Variants in DNAAF11 observed in about 807,000 individuals in gnomAD.
DNAAF11 encodes the protein leucine rich repeat containing 6.
A neutral mutation model predicts 60.8 loss-of-function variants in DNAAF11; 45 were observed. The observed-to-expected ratio is 0.74, with a 90% confidence interval of 0.58 to 0.95. The LOEUF is 0.95. DNAAF11 is among the 40% of genes least tolerant of loss of function. The probability of loss-of-function intolerance (pLI) is 0.00; values close to 1 mark genes in which losing one functional copy is unlikely to be tolerated. For synonymous variants in DNAAF11, 191 were observed against 183.5 expected, an observed-to-expected ratio of 1.04 and a Z score of -0.33; for missense variants, 546 against 546.2, an observed-to-expected ratio of 1.00 and a Z score of 0.00.
chr8:132,604,789 C>T (rs998730580), intron 10 of DNAAF11, among the ~76,000 whole-genome samples: 3 of 152,046 alleles, frequency 2.0e-5, no homozygotes, highest in Admixed American at 2.0e-4. Flanking sequence ...TAAAATCATA[C>T]ATATAATATC....
At chr8:132,593,332 C>CATATATATATATATATATATATAT (rs60462067) in intron 10 of DNAAF11, among the ~76,000 whole-genome samples, 4 of 108,702 alleles carry the variant, frequency 3.7e-5, no homozygotes, top group East Asian at 6.1e-4. Flanking sequence ...TATATACATA[C>CATATATATATATATATATATATAT]ATATATATAT....
chr8:132,648,415 C>A (rs1822625453), intron 3 of DNAAF11, among the ~76,000 whole-genome samples: 2 of 152,128 alleles, frequency 1.3e-5, no homozygotes, highest in Admixed American at 1.3e-4. Context: ...ACTGAATGGG[C>A]AAAAACTGGA....
At chr8:132,644,377 C>T (rs1036366968) in intron 3 of DNAAF11, among the ~76,000 whole-genome samples, 19 of 152,268 alleles carry the variant, frequency 1.2e-4, no homozygotes, top group Middle Eastern at 3.4e-3. Flanking sequence ...GGTTTCAAGA[C>T]GGCCAAATAG....
the DNAAF11 span, among the ~76,000 whole-genome samples, chr8:132,702,728 A>G: frequency 6.6e-6 from 1 of 152,268 alleles, no homozygotes; most frequent in African/African-American, 2.4e-5. Flanking sequence ...TCTCATTTTA[A>G]AGACTGGGAA....
chr8:132,572,955 A>G (rs1814364075), intron 11 of DNAAF11, among the ~76,000 whole-genome samples: 1 of 152,180 alleles, frequency 6.6e-6, no homozygotes, highest in Non-Finnish European at 1.5e-5. Context: ...TCAGGTGCAT[A>G]GTAAAGTGTA....
At chr8:132,600,421 T>C (rs1186913163) in intron 10 of DNAAF11, among the ~76,000 whole-genome samples, 1 of 152,132 alleles carries the variant, frequency 6.6e-6, no homozygotes, top group Non-Finnish European at 1.5e-5. Flanking sequence ...GGAAAAAAAC[T>C]ACTTTAAAGT....
chr8:132,693,727 G>T, the DNAAF11 span, among the ~76,000 whole-genome samples: 9 of 152,228 alleles, frequency 5.9e-5, no homozygotes, highest in South Asian at 8.3e-4. Context: ...AGGAGAAGGT[G>T]ACATTTGAGA....
intron 3 of DNAAF11, among the ~76,000 whole-genome samples, chr8:132,638,389 G>A (rs1171840429): frequency 1.3e-5 from 2 of 152,068 alleles, no homozygotes; most frequent in South Asian, 4.1e-4. Context: ...TAATTTTTCT[G>A]ATTTGGTCAC....
chr8:132,571,046 C>T lies in DNAAF11; in HGVS notation c.*1260G>A, dbSNP rs7841268. ...TTTGTGCCCAATTGCATTCCTATAACCAGTCCCTCATTCTCATCATATTTT... is the reference window on the plus strand; with the variant it reads ...TTTGTGCCCAATTGCATTCCTATAATCAGTCCCTCATTCTCATCATATTTT... On this transcript the variant is annotated 3_prime_UTR_variant, in exon 12 of 12. Transcript: ENST00000620350. 0.15 allele frequency among the ~76,000 whole-genome samples: 22,922 copies of T among 152,148 alleles called. 2,572 individuals are homozygous for T. Among genetic ancestry groups the T allele is most frequent in the African/African-American group, 0.32 (13,119 of 41,454 alleles).
At chr8:132,591,718 C>T (rs1017093289) in intron 10 of DNAAF11, among the ~76,000 whole-genome samples, 4 of 151,888 alleles carry the variant, frequency 2.6e-5, no homozygotes, top group East Asian at 1.9e-4. Context: ...CTGTTGAGCA[C>T]GTGGTAAGCC....
the DNAAF11 span, among the ~76,000 whole-genome samples, chr8:132,691,632 T>G: frequency 7.9e-5 from 12 of 152,272 alleles, no homozygotes; most frequent in East Asian, 2.3e-3. Flanking sequence ...GCAGGCACAG[T>G]CTTACATGGC....
At chr8:132,651,990 T>C (rs979844451) in intron 3 of DNAAF11, among the ~76,000 whole-genome samples, 7 of 152,210 alleles carry the variant, frequency 4.6e-5, no homozygotes, top group Non-Finnish European at 2.9e-5. Flanking sequence ...AAAATAAAAA[T>C]ATATGATGTA....
At position 132,572,363 on chromosome 8, in the gene DNAAF11, T is replaced by C. The variant is rs965375385; in HGVS notation, c.1344A>G (p.Ile448Met). ...TPRRRPEPKI[I>M]PSEEDPTFED... ...CAAAGGTTGGGTCTTCCTCACTTGGTATAATTTTGGGTTCAGGTCGTCTTC... is the reference window on the plus strand; with the variant it reads ...CAAAGGTTGGGTCTTCCTCACTTGGCATAATTTTGGGTTCAGGTCGTCTTC... Residue 448 changes from isoleucine to methionine, a missense_variant, in exon 12 of 12, where the codon ATA (isoleucine) becomes ATG (methionine). Coordinates refer to ENST00000620350, the MANE Select transcript of DNAAF11 (RefSeq NM_012472.6). The C allele has an allele frequency of 3.7e-6, 6 of 1,614,070 alleles. No homozygotes were observed. The highest frequency in any genetic ancestry group is 5.1e-6 in the Non-Finnish European group (6 of 1,179,950).
chr8:132,597,726 C>T (rs1012641910), intron 10 of DNAAF11, among the ~76,000 whole-genome samples: 5 of 152,114 alleles, frequency 3.3e-5, no homozygotes, highest in Admixed American at 3.3e-4. Flanking sequence ...ATTTCCTTGT[C>T]CCCAGTTGAC....
chr8:132,671,213 A>T (rs1825157356), intron 1 of DNAAF11, among the ~76,000 whole-genome samples: 5 of 152,214 alleles, frequency 3.3e-5, no homozygotes. Context: ...TGAATAAGAA[A>T]GTTTGAAAAG....
At chr8:132,633,437 A>T (rs1821001968) in intron 4 of DNAAF11, among the ~76,000 whole-genome samples, 2 of 152,222 alleles carry the variant, frequency 1.3e-5, no homozygotes, top group Admixed American at 6.5e-5. Flanking sequence ...CATTGTTTAC[A>T]TCTGATACTT....
the DNAAF11 span, among the ~76,000 whole-genome samples, chr8:132,697,184 T>C: frequency 6.6e-6 from 1 of 152,196 alleles, no homozygotes; most frequent in African/African-American, 2.4e-5. Flanking sequence ...GAATGACAAG[T>C]GACTGCAAAT....
intron 1 of DNAAF11, among the ~76,000 whole-genome samples, chr8:132,672,506 G>A (rs893418653): frequency 1.2e-4 from 18 of 152,110 alleles, no homozygotes; most frequent in African/African-American, 4.1e-4. Context: ...ATACACAAGA[G>A]TGCGGGCTCT....
chr8:132,599,849 C>T (rs1817417686), intron 10 of DNAAF11, among the ~76,000 whole-genome samples: 1 of 152,180 alleles, frequency 6.6e-6, no homozygotes. Flanking sequence ...GAAGCATTCC[C>T]TTTGAAAACT....
Sources: gnomAD v4.1 joint callset for allele counts (sites outside exome capture counted in the v4.1 genomes callset) on GRCh38, gnomAD v4.1.1 for gene constraint, MANE v1.5 for transcripts, NCBI Gene and HGNC (gene_info 2026-07-23, HGNC 2026-07-21) for gene names.